Variants in SNX29 observed in about 807,000 individuals in gnomAD.
SNX29 encodes the protein sorting nexin-29.
In SNX29, 78 loss-of-function variants were observed where a neutral mutation model predicts 102.1. The ratio of observed to expected loss-of-function variants is 0.76; its 90% confidence interval spans 0.64 to 0.92. The LOEUF (loss-of-function observed/expected upper bound fraction) is 0.92. Ranked by LOEUF, SNX29 falls within the 40% of genes least tolerant of loss-of-function variation. The pLI, the probability that SNX29 is intolerant of heterozygous loss-of-function variation, is 0.00. For missense variants in SNX29, 1,280 were observed against 1,061.7 expected (o/e 1.21, Z -2.86); for synonymous variants, 580 against 414.5 (o/e 1.40, Z -4.85).
intron 20 of SNX29, among the ~76,000 whole-genome samples, chr16:12,531,337 G>T (rs541346632): frequency 6.6e-6 from 1 of 152,256 alleles, no homozygotes; most frequent in Non-Finnish European, 1.5e-5. Flanking sequence ...ACTCAGGGCT[G>T]TGCTTTCCGA....
intron 20 of SNX29, among the ~76,000 whole-genome samples, chr16:12,561,380 G>A (rs947443058): frequency 6.6e-6 from 1 of 152,126 alleles, no homozygotes; most frequent in African/African-American, 2.4e-5. Flanking sequence ...CGTGGAAGAT[G>A]CTGGCCACAT....
chr16:12,495,052 C>G (rs1021851994), intron 19 of SNX29, among the ~76,000 whole-genome samples: 5 of 152,236 alleles, frequency 3.3e-5, no homozygotes, highest in Non-Finnish European at 7.3e-5. Context: ...CCTTCAAGCT[C>G]TTTCTTGCCT....
chr16:12,309,552 T>G (rs1312482605), intron 15 of SNX29, among the ~76,000 whole-genome samples: 1 of 152,110 alleles, frequency 6.6e-6, no homozygotes, highest in African/African-American at 2.4e-5. Context: ...TTGTCCACTC[T>G]TTGACGGCAG....
At chr16:12,117,229 C>T (rs1276190741) in intron 11 of SNX29, among the ~76,000 whole-genome samples, 3 of 144,222 alleles carry the variant, frequency 2.1e-5, no homozygotes, top group East Asian at 2.1e-4. Context: ...ATGGTCAATA[C>T]GTGCTTCAAT....
At position 12,570,849 on chromosome 16, in the gene SNX29, G is replaced by A; in HGVS notation, c.*2220G>A. ...GTATGCTCTCAGCTGGTATTGAACT[G>A]GTGGGAGAAACTGCCTCCTACTTTT... On this transcript the variant is annotated 3_prime_UTR_variant, in exon 21 of 21. Transcript: ENST00000566228. 2 of 231,928 alleles carry A rather than the reference G, an allele frequency of 8.6e-6. No individual in the cohort carries two copies. Among genetic ancestry groups the A allele is most frequent in the East Asian group, 6.1e-5 (1 of 16,394 alleles). The allele number at this position is 231,928 out of a possible 1,614,324, so 14.4% of individuals were successfully genotyped here.
chr16:12,169,214 A>C (rs1204648556), intron 13 of SNX29, among the ~76,000 whole-genome samples: 1 of 152,174 alleles, frequency 6.6e-6, no homozygotes, highest in Non-Finnish European at 1.5e-5. Flanking sequence ...TTCTTTTAAG[A>C]AGGAGAAGCC....
chr16:12,142,524 A>G (rs561513561), intron 13 of SNX29, among the ~76,000 whole-genome samples: 46 of 152,306 alleles, frequency 3.0e-4, no homozygotes, highest in Non-Finnish European at 4.3e-4. Flanking sequence ...GTTTGATGCT[A>G]CTGATGAAAT....
chr16:12,407,891 A>C (rs1165284599), intron 18 of SNX29, among the ~76,000 whole-genome samples: 1 of 152,132 alleles, frequency 6.6e-6, no homozygotes, highest in African/African-American at 2.4e-5. Context: ...GAGATAGGAG[A>C]ATTGCTTGAG....
chr16:12,197,522 G>T (rs1263817973), intron 13 of SNX29, among the ~76,000 whole-genome samples: 2 of 152,198 alleles, frequency 1.3e-5, no homozygotes, highest in Non-Finnish European at 2.9e-5. Context: ...AGTGAGCCGA[G>T]ATCATGCTAC....
intron 18 of SNX29, among the ~76,000 whole-genome samples, chr16:12,453,960 T>A (rs555803783): frequency 9.9e-5 from 15 of 152,218 alleles, no homozygotes; most frequent in South Asian, 2.1e-4. Flanking sequence ...TTTTTTTTGT[T>A]GTTGTTTTTT....
chr16:12,279,600 C>T (rs766933553), intron 15 of SNX29, among the ~76,000 whole-genome samples: 15 of 152,242 alleles, frequency 9.9e-5, no homozygotes, highest in Non-Finnish European at 1.5e-4. Flanking sequence ...AGTCTGTGCC[C>T]GGAAGTCCCA....
At chr16:12,529,877 C>G (rs1275132678) in intron 20 of SNX29, among the ~76,000 whole-genome samples, 2 of 152,184 alleles carry the variant, frequency 1.3e-5, no homozygotes, top group Non-Finnish European at 1.5e-5. Context: ...CAACTTTTGA[C>G]TTCCCTTGTT....
intron 16 of SNX29, among the ~76,000 whole-genome samples, chr16:12,362,438 A>C (rs912743148): frequency 3.3e-5 from 5 of 152,248 alleles, no homozygotes; most frequent in African/African-American, 1.2e-4. Context: ...TTGAGGCTCA[A>C]AATCCTTTCA....
rs1161959328 is a variant in SNX29, at chr16:12,549,834, C to G, written c.2319-18672C>G. ...TGTGCCCTGTGTGGCCAGGCCTTGC[C>G]TCCTTGGCCGCATGACTGTGGTGAA... On this transcript the variant is annotated intron_variant, in intron 20 of 20. Transcript: ENST00000566228. Among the ~76,000 whole-genome samples the G allele has an allele frequency of 2.6e-5, 4 of 152,270 alleles. No homozygotes were observed. The East Asian group carries it at 5.8e-4, about 22-fold the overall frequency.
In SNX29 at chr16:12,096,999, A is replaced by G. The variant is rs1448989191; in HGVS notation, c.1402+18084A>G. ...CTTGCACAGATGGGGATGCTGGGCC[A>G]GAAGGGAACCTCCCTGCAGTGTGCA... On this transcript the variant is annotated intron_variant, in intron 11 of 20. Transcript: ENST00000566228. The surrounding 1 kb of genome is among the most constrained non-coding windows in gnomAD (Gnocchi z 4.2). Among the ~76,000 whole-genome samples, 1 of 152,180 alleles carries G rather than the reference A, an allele frequency of 6.6e-6. No individual in the cohort carries two copies. The highest frequency in any genetic ancestry group is 6.5e-5 in the Admixed American group (1 of 15,280).
At chr16:12,185,581 C>G (rs1472245501) in intron 13 of SNX29, among the ~76,000 whole-genome samples, 1 of 152,188 alleles carries the variant, frequency 6.6e-6, no homozygotes, top group Non-Finnish European at 1.5e-5. Flanking sequence ...TTCTCTCTCC[C>G]TCTGTCTCTG....
intron 10 of SNX29, among the ~76,000 whole-genome samples, chr16:12,075,972 G>A (rs2051544789): frequency 6.6e-6 from 1 of 152,242 alleles, no homozygotes; most frequent in Admixed American, 6.5e-5. Context: ...CTCCGAGCCA[G>A]GTGCGGGATA....
At chr16:12,138,175 C>G (rs542291457) in intron 13 of SNX29, among the ~76,000 whole-genome samples, 65 of 133,994 alleles carry the variant, frequency 4.9e-4, no homozygotes, top group African/African-American at 1.9e-3. Flanking sequence ...CAGCATTGTA[C>G]ACGAGACTGA....
At chr16:12,102,815 T>C (rs2053078682) in intron 11 of SNX29, among the ~76,000 whole-genome samples, 1 of 152,204 alleles carries the variant, frequency 6.6e-6, no homozygotes, top group African/African-American at 2.4e-5. Flanking sequence ...GAAAACCCCA[T>C]TGTCTCAGCC....
Sources: allele counts gnomAD v4.1 joint callset (sites outside exome capture counted in the v4.1 genomes callset), GRCh38; gene constraint gnomAD v4.1.1; non-coding constraint Gnocchi (gnomAD v3.1); transcripts MANE v1.5; gene names NCBI Gene and HGNC (gene_info 2026-07-23, HGNC 2026-07-21).